The following TTI1 variants were observed in gnomAD, a reference collection of about 807,000 sequenced individuals.
The protein encoded by TTI1 is TELO2 interacting protein 1.
In TTI1, 52 loss-of-function variants were observed where a neutral mutation model predicts 85.4. The observed-to-expected ratio is 0.61, with a 90% CI of 0.49 to 0.77. The LOEUF is 0.77. Ranked by LOEUF, TTI1 falls within the 30% of genes least tolerant of loss-of-function variation. TTI1 has a pLI of 0.00. For missense variants in TTI1, 1,173 were observed against 1,296.0 expected, an observed-to-expected ratio of 0.91 and a Z score of 1.46; for synonymous variants, 512 against 503.9, an observed-to-expected ratio of 1.02 and a Z score of -0.22.
rs139032153 is a variant in TTI1 at position 37,991,643 on chromosome 20, G to A, written c.3086+4732C>T. On this transcript the variant is annotated intron_variant, in intron 7 of 7. Coordinates refer to ENST00000373447, the MANE Select transcript of TTI1 (RefSeq NM_001303457.2). ...AAATCCCCAGTTCAGATTTTAGTAA[G>A]GATGAAGCAGGCTTACAACTAGAAA... Among the ~76,000 whole-genome samples, 1,218 of 152,312 alleles carry A rather than the reference G, an allele frequency of 8.0e-3. 6 individuals are homozygous for A. The highest frequency in any genetic ancestry group is 0.023 in the African/African-American group (951 of 41,564).
intron 1 of TTI1, among the ~76,000 whole-genome samples, chr20:38,017,904 C>T (rs1042481687): frequency 1.3e-5 from 2 of 152,160 alleles, no homozygotes; most frequent in African/African-American, 4.8e-5. Context: ...AAGGATGAAC[C>T]AAAGTAAGTT....
intron 1 of TTI1, among the ~76,000 whole-genome samples, chr20:38,028,307 C>T (rs1404400472): frequency 6.6e-6 from 1 of 152,026 alleles, no homozygotes; most frequent in South Asian, 2.1e-4. Flanking sequence ...ATTATAGAGG[C>T]TGATTGAAAA....
chr20:38,012,257 C>G lies in TTI1; in HGVS notation c.1560G>C (p.Lys520Asn). The part of the protein sequence containing the change: ...ELYHQSVVYR[K>N]QAAMILNELV... ...GTTCATTAAGGATCATGGCAGCTTGCTTCCGGTAAACCACAGATTGATGGT... is the reference window on the plus strand; with the variant it reads ...GTTCATTAAGGATCATGGCAGCTTGGTTCCGGTAAACCACAGATTGATGGT... Residue 520 changes from lysine to asparagine, a missense_variant, in exon 2 of 8, where the codon AAG becomes AAC. Physicochemically the swap from Lys to Asn is moderately conservative, Grantham distance 94. Transcript: ENST00000373447. The G allele has an allele frequency of 6.2e-7, 1 of 1,614,196 alleles. No homozygotes were observed. Among genetic ancestry groups the G allele is most frequent in the East Asian group, 2.2e-5 (1 of 44,890 alleles).
Position 38,002,796 on chromosome 20 carries a change from G to T in TTI1, c.2504-20C>A. ...GTTCCTCTGGAAAAAGAGCACAACT[G>T]GGGGCAGTGTTGTATGAGTGATAAA... is the stretch of plus-strand genomic sequence containing the variant. On this transcript the variant is annotated intron_variant, in intron 3 of 7. Transcript: ENST00000373447. The T allele has an allele frequency of 1.2e-6, 2 of 1,612,618 alleles. No homozygotes were observed. The highest frequency in any genetic ancestry group is 1.7e-6 in the Non-Finnish European group (2 of 1,179,106).
chr20:38,013,554 T>C lies in TTI1; in HGVS notation c.263A>G (p.Lys88Arg). ...LTFVLSSTCVKEQELLQELFS... is the reference protein window; with the variant it reads ...LTFVLSSTCVREQELLQELFS... ...GAGTTCCTGGAGAAGCTCCTGTTCT[T>C]TCACACATGTTGAAGAAAGGACAAA... Residue 88 changes from lysine to arginine, a missense_variant, in exon 2 of 8, where the codon AAA (lysine) becomes AGA (arginine). Physicochemically the swap from Lys to Arg is conservative, Grantham distance 26. Coordinates refer to ENST00000373447, the MANE Select transcript of TTI1 (RefSeq NM_001303457.2). 3 of 1,614,214 alleles carry C rather than the reference T, an allele frequency of 1.9e-6. No individual in the cohort carries two copies. Among genetic ancestry groups the C allele is most frequent in the Non-Finnish European group, 2.5e-6 (3 of 1,180,040 alleles).
At chr20:38,015,505 T>A (rs1205118237) in intron 1 of TTI1, among the ~76,000 whole-genome samples, 1 of 152,104 alleles carries the variant, frequency 6.6e-6, no homozygotes, top group Non-Finnish European at 1.5e-5. Context: ...ATACTGGTAG[T>A]TGGATCAAGA....
chr20:37,991,840 A>G (rs1439852508), intron 7 of TTI1, among the ~76,000 whole-genome samples: 6 of 152,192 alleles, frequency 3.9e-5, no homozygotes, highest in African/African-American at 1.4e-4. Context: ...CAGTCCCTAG[A>G]ACAGTACCTG....
intron 2 of TTI1, among the ~76,000 whole-genome samples, chr20:38,009,121 G>A (rs946574584): frequency 6.6e-6 from 1 of 152,082 alleles, no homozygotes; most frequent in African/African-American, 2.4e-5. Flanking sequence ...ATATTTCACA[G>A]GGCTTTTCTT....
chr20:38,012,286 G>C lies in TTI1; in HGVS notation c.1531C>G (p.Leu511Val), dbSNP rs781290959. The change falls in exon 2 of 8, where the codon CTT becomes GTT. Residue 511 changes from leucine to valine, a missense_variant. Coordinates refer to ENST00000373447, the MANE Select transcript of TTI1 (RefSeq NM_001303457.2). ...CGGTAAACCACAGATTGATGGTAAA[G>C]TTCCATAAAGTGATCCACAAGCAAA... The part of the protein sequence containing the change: ...LYLLVDHFME[L>V]YHQSVVYRKQ... 1.2e-6 allele frequency: 2 copies of C among 1,614,176 alleles called. No individual in the cohort carries two copies. The highest frequency in any genetic ancestry group is 2.2e-5 in the South Asian group (2 of 91,084).
At chr20:38,032,168 G>A (rs949653161) in intron 1 of TTI1, among the ~76,000 whole-genome samples, 7 of 152,196 alleles carry the variant, frequency 4.6e-5, no homozygotes, top group African/African-American at 1.7e-4. Context: ...TAACCTCTCT[G>A]AGCCTGTTTC....
rs866489408 is a variant in TTI1 at position 38,018,620 on chromosome 20, A to C, written c.-41-4763T>G. 7.9e-5 allele frequency among the ~76,000 whole-genome samples: 12 copies of C among 152,322 alleles called. 1 individual carries two copies. Among genetic ancestry groups the C allele is most frequent in the Middle Eastern group, 3.4e-3 (1 of 294 alleles). On this transcript the variant is annotated intron_variant, in intron 1 of 7. Coordinates refer to ENST00000373447, the MANE Select transcript of TTI1 (RefSeq NM_001303457.2). Reference sequence around the variant, plus strand: ...CAATTATTTGGCCAATACAAAGAAAAGAACACACAGACATCATAGTCAAAC... The same window carrying C: ...CAATTATTTGGCCAATACAAAGAAACGAACACACAGACATCATAGTCAAAC...
chr20:38,020,323 A>AATATATATATAT lies in TTI1; in HGVS notation c.-41-6478_-41-6467dup, dbSNP rs1159604655. Among the ~76,000 whole-genome samples, 83 of 50,354 alleles carry AATATATATATAT rather than the reference A, an allele frequency of 1.6e-3. 1 individual carries two copies. The highest frequency in any genetic ancestry group is 0.011 in the East Asian group (20 of 1,742). 33.0% of individuals were successfully genotyped at this position (50,354 alleles called of 152,430 possible). A position where few individuals can be genotyped will look rare whatever the true frequency, so the allele number is the denominator to read the frequency against. ...GGCTACTCATATGAAAAAAAAAAAA[A>AATATATATATAT]ATATATATATATATATATATATATA... On this transcript the variant is annotated intron_variant, in intron 1 of 7. Transcript: ENST00000373447.
intron 7 of TTI1, among the ~76,000 whole-genome samples, chr20:37,989,371 A>G (rs1225196545): frequency 1.3e-5 from 2 of 152,180 alleles, no homozygotes; most frequent in Non-Finnish European, 2.9e-5. Flanking sequence ...TGCTAACCAT[A>G]CCTCTGAAGT....
chr20:37,983,541 AGGCTGGGGTGGG>A lies in TTI1; in HGVS notation c.3173_3184del (p.Pro1058_Ser1061del). The A allele has an allele frequency of 1.2e-6, 2 of 1,611,580 alleles. No individual in the cohort carries two copies. The highest frequency in any genetic ancestry group is 1.7e-6 in the Non-Finnish European group (2 of 1,179,244). On this transcript the variant is annotated inframe_deletion, in exon 8 of 8. Coordinates refer to ENST00000373447, the MANE Select transcript of TTI1 (RefSeq NM_001303457.2). ...GGCCCCGTGCAGCTGCACAGGGTGG[AGGCTGGGGTGGG>A]GAGGTGTGAACTGCACGGGGCAGTA... is the stretch of plus-strand genomic sequence containing the variant.
Position 38,001,781 on chromosome 20 carries a change from C to T in TTI1, c.2652+847G>A, listed in dbSNP as rs191336047. Among the ~76,000 whole-genome samples, 1,223 of 152,138 alleles carry T rather than the reference C, an allele frequency of 8.0e-3. 16 individuals carry two copies. Among genetic ancestry groups the T allele is most frequent in the African/African-American group, 0.026 (1,067 of 41,484 alleles). On this transcript the variant is annotated intron_variant, in intron 4 of 7. Coordinates refer to ENST00000373447, the MANE Select transcript of TTI1 (RefSeq NM_001303457.2). ...TTACTCAGGCTGGAGTGCAATGGCA[C>T]GATCTTGGCTCACCACAACCTCTGC...
At position 38,012,297 on chromosome 20, in the gene TTI1, T is replaced by C. The variant is rs756248920; in HGVS notation, c.1520A>G (p.His507Arg). 1 of 1,614,188 alleles carries C rather than the reference T, an allele frequency of 6.2e-7. No individual in the cohort carries two copies. ...YYGNLYLLVD[H>R]FMELYHQSVV... ...AGATTGATGGTAAAGTTCCATAAAG[T>C]GATCCACAAGCAAATAAAGATTCCC... Residue 507 changes from histidine to arginine, a missense_variant, in exon 2 of 8, where the codon CAC (histidine) becomes CGC (arginine). Physicochemically the swap from His to Arg is conservative, Grantham distance 29. Coordinates refer to ENST00000373447, the MANE Select transcript of TTI1 (RefSeq NM_001303457.2).
chr20:38,013,582 T>A lies in TTI1; in HGVS notation c.235A>T (p.Thr79Ser). 5 of 1,614,196 alleles carry A rather than the reference T, an allele frequency of 3.1e-6. No homozygotes were observed. The highest frequency in any genetic ancestry group is 4.2e-6 in the Non-Finnish European group (5 of 1,180,028). Residue 79 changes from threonine to serine, a missense_variant, in exon 2 of 8, where the codon ACA becomes TCA. Physicochemically the swap from Thr to Ser is moderately conservative, Grantham distance 58 (BLOSUM62 1). Transcript: ENST00000373447. Reference sequence around the variant, plus strand: ...ACACATGTTGAAGAAAGGACAAATGTGAGGCATTCCACCACACTTTGGATC... The same window carrying A: ...ACACATGTTGAAGAAAGGACAAATGAGAGGCATTCCACCACACTTTGGATC... ...RLIQSVVECLTFVLSSTCVKE... is the reference protein window; with the variant it reads ...RLIQSVVECLSFVLSSTCVKE...
intron 1 of TTI1, among the ~76,000 whole-genome samples, chr20:38,024,581 C>T (rs1013829753): frequency 2.6e-5 from 4 of 152,086 alleles, no homozygotes; most frequent in African/African-American, 9.7e-5. Flanking sequence ...TCTCTCTAGC[C>T]AAAGGAGTAG....
At chr20:38,032,244 T>G (rs187938494) in intron 1 of TTI1, among the ~76,000 whole-genome samples, 2 of 152,244 alleles carry the variant, frequency 1.3e-5, no homozygotes, top group Admixed American at 6.5e-5. Flanking sequence ...AATGAGTTAC[T>G]GTGTGGGAAT....
Sources: gnomAD v4.1 joint callset for allele counts (sites outside exome capture counted in the v4.1 genomes callset) on GRCh38, gnomAD v4.1.1 for gene constraint, MANE v1.5 for transcripts, NCBI Gene and HGNC (gene_info 2026-07-23, HGNC 2026-07-21) for gene names.